The following CCDC68 variants were observed in gnomAD, a reference collection of about 807,000 sequenced individuals.
The protein encoded by CCDC68 is coiled-coil domain containing 68.
Under a neutral mutation model 47.1 loss-of-function variants are expected in CCDC68, and 45 were observed. The observed-to-expected ratio is 0.96, with a 90% CI of 0.75 to 1.23. The LOEUF (loss-of-function observed/expected upper bound fraction) is 1.23. CCDC68 is among the 50% of genes most tolerant of loss of function. CCDC68 has a pLI of 0.00. For missense variants in CCDC68, 353 were observed against 373.6 expected, an observed-to-expected ratio of 0.94 and a Z score of 0.45; for synonymous variants, 131 against 129.5, an observed-to-expected ratio of 1.01 and a Z score of -0.08.
At chr18:54,932,536 A>T (rs1475625966) in intron 7 of CCDC68, among the ~76,000 whole-genome samples, 3 of 152,040 alleles carry the variant, frequency 2.0e-5, no homozygotes, top group African/African-American at 7.2e-5. Flanking sequence ...TCCCCTCCAC[A>T]TCATCCACAC....
chr18:54,943,777 G>C (rs1271169241), intron 2 of CCDC68, among the ~76,000 whole-genome samples: 1 of 152,166 alleles, frequency 6.6e-6, no homozygotes, highest in Non-Finnish European at 1.5e-5. Context: ...ATAGAATAAA[G>C]CCAACAGGTA....
chr18:54,953,524 ACACAC>A lies in CCDC68; in HGVS notation c.-103+5807_-103+5811del, dbSNP rs1568166190. Among the ~76,000 whole-genome samples, 251 of 130,964 alleles carry A rather than the reference ACACAC, an allele frequency of 1.9e-3. 2 individuals are homozygous for A. Among genetic ancestry groups the A allele is most frequent in the African/African-American group, 7.7e-3 (244 of 31,816 alleles). 85.9% of individuals were successfully genotyped at this position (130,964 alleles called of 152,430 possible). On this transcript the variant is annotated intron_variant, in intron 1 of 11. Transcript: ENST00000591504. ...TATATATATACATACACACACACACACACACACACACACACATATATATATATAGA... is the reference window on the plus strand; with the variant it reads ...TATATATATACATACACACACACACAACACACACACATATATATATATAGA...
intron 9 of CCDC68, among the ~76,000 whole-genome samples, 177 bp from the exon 10 acceptor site, chr18:54,918,173 A>G (rs2043988789): frequency 6.6e-6 from 1 of 152,204 alleles, no homozygotes; most frequent in Non-Finnish European, 1.5e-5. Context: ...CCAAACTGAC[A>G]CCTGGGGCTG....
intron 1 of CCDC68, among the ~76,000 whole-genome samples, chr18:54,946,690 T>C (rs1333297735): frequency 6.6e-6 from 1 of 152,216 alleles, no homozygotes; most frequent in African/African-American, 2.4e-5. Flanking sequence ...AGGAATTTTG[T>C]TTCTTGATGA....
intron 8 of CCDC68, among the ~76,000 whole-genome samples, chr18:54,924,794 C>T (rs2044118623): frequency 6.6e-6 from 1 of 152,190 alleles, no homozygotes; most frequent in South Asian, 2.1e-4. Flanking sequence ...GAACTTCTCT[C>T]CCTCCACTCC....
In CCDC68 at chr18:54,933,114, G is replaced by C. The variant is rs372143730; in HGVS notation, c.600+1706C>G. ...TTTCTTTTTTTTGACACGGAGTCTC[G>C]CTATGTCACCAGGCTGGAGTGCTGT... On this transcript the variant is annotated intron_variant, in intron 7 of 11. Transcript: ENST00000591504. Among the ~76,000 whole-genome samples the C allele has an allele frequency of 4.6e-5, 7 of 151,956 alleles. No individual in the cohort carries two copies. The East Asian group carries it at 1.2e-3, about 25-fold the overall frequency.
intron 10 of CCDC68, among the ~76,000 whole-genome samples, chr18:54,910,222 C>T (rs189787874): frequency 2.3e-4 from 35 of 152,288 alleles, no homozygotes; most frequent in African/African-American, 7.7e-4. Flanking sequence ...TCAACAGAGA[C>T]GGTAGCTCCT....
At chr18:54,922,214 C>T (rs750960295) in intron 8 of CCDC68, among the ~76,000 whole-genome samples, 13 of 152,076 alleles carry the variant, frequency 8.5e-5, no homozygotes, top group Admixed American at 2.6e-4. Flanking sequence ...TCTTGAGGCA[C>T]GGGAGACTGA....
At chr18:54,923,701 T>C (rs1469709524) in intron 8 of CCDC68, among the ~76,000 whole-genome samples, 2 of 150,358 alleles carry the variant, frequency 1.3e-5, no homozygotes, top group Non-Finnish European at 1.5e-5. Flanking sequence ...TTTATCTTTC[T>C]GTTAAAGCAC....
intron 10 of CCDC68, among the ~76,000 whole-genome samples, chr18:54,910,099 C>A (rs982315614): frequency 4.6e-5 from 7 of 152,210 alleles, no homozygotes; most frequent in Admixed American, 4.6e-4. Context: ...TCAGAGGAAA[C>A]CTGCAGGGGG....
At chr18:54,928,717 A>G in intron 8 of CCDC68, 83 bp downstream of exon 8, 1 of 823,826 alleles carries the variant, frequency 1.2e-6, no homozygotes, top group Non-Finnish European at 2.1e-6. Context: ...GGGGGACAGA[A>G]GGTCTTCTGT....
chr18:54,939,295 A>C (rs2145569460), intron 4 of CCDC68, among the ~76,000 whole-genome samples: 1 of 152,172 alleles, frequency 6.6e-6, no homozygotes, highest in Admixed American at 6.5e-5. Context: ...AAAAAAAAAA[A>C]CTCTTGAAGA....
chr18:54,941,056 T>C lies in CCDC68; in HGVS notation c.145A>G (p.Thr49Ala). 2 of 1,612,848 alleles carry C rather than the reference T, an allele frequency of 1.2e-6. No homozygotes were observed. Among genetic ancestry groups the C allele is most frequent in the Non-Finnish European group, 1.7e-6 (2 of 1,179,090 alleles). The change falls in exon 4 of 12, where the codon ACC becomes GCC. Residue 49 changes from threonine (T) to alanine (A), a missense_variant. Transcript: ENST00000591504. ...KIRTTLQKIR[T>A]QMFKDEIRHD... ...CTTATTTCATCTTTAAACATCTGGG[T>C]CCTGATCTTTTGCAGAGTAGTTCGA...
In CCDC68 at chr18:54,941,001, G is replaced by T; in HGVS notation, c.200C>A (p.Ala67Glu). Residue 67 changes from alanine to glutamate, a missense_variant, in exon 4 of 12, where the codon GCA becomes GAA. Coordinates refer to ENST00000591504, the MANE Select transcript of CCDC68 (RefSeq NM_025214.3). ...RHDSTNHKLD[A>E]KHCGNLQQGS... ...TCTTCTGCAGGAAATTATTACCTTT[G>T]CATCTAGTTTGTGATTTGTACTGTC... 6.3e-7 allele frequency: 1 copy of T among 1,599,118 alleles called. No individual in the cohort carries two copies. The highest frequency in any genetic ancestry group is 8.6e-7 in the Non-Finnish European group (1 of 1,167,636).
chr18:54,957,350 G>A (rs2044729220), intron 1 of CCDC68, among the ~76,000 whole-genome samples: 1 of 152,196 alleles, frequency 6.6e-6, no homozygotes, highest in Non-Finnish European at 1.5e-5. Flanking sequence ...TTTAGTCACT[G>A]TCGAAATTGA....
At chr18:54,954,621 T>G (rs1274290542) in intron 1 of CCDC68, 1 of 152,212 alleles carries the variant, frequency 6.6e-6, no homozygotes, top group Non-Finnish European at 1.5e-5. Context: ...GCTTGGTGAA[T>G]GTCTCTGCCC....
chr18:54,902,568 A>C lies in CCDC68; in HGVS notation c.*1790T>G, dbSNP rs1913745808. 1 of 152,236 alleles carries C rather than the reference A, an allele frequency of 6.6e-6. No individual in the cohort carries two copies. 9.4% of individuals were successfully genotyped at this position (152,236 alleles called of 1,614,324 possible). On this transcript the variant is annotated 3_prime_UTR_variant, in exon 12 of 12. Coordinates refer to ENST00000591504, the MANE Select transcript of CCDC68 (RefSeq NM_025214.3). Reference sequence around the variant, plus strand: ...ATGATAAACAGATTTTTAGCAGGGAAGTTTGTCTGAACTGAGTTCTCACAA... The same window carrying C: ...ATGATAAACAGATTTTTAGCAGGGACGTTTGTCTGAACTGAGTTCTCACAA...
chr18:54,907,104 C>T (rs1914056067), intron 11 of CCDC68, among the ~76,000 whole-genome samples: 1 of 152,098 alleles, frequency 6.6e-6, no homozygotes, highest in Non-Finnish European at 1.5e-5. Context: ...TTGAATGATA[C>T]ATATAATTAG....
intron 8 of CCDC68, among the ~76,000 whole-genome samples, chr18:54,922,067 G>A (rs989554389): frequency 6.6e-6 from 1 of 152,138 alleles, no homozygotes; most frequent in African/African-American, 2.4e-5. Context: ...TTGTGCCCAT[G>A]TAGTTTGAAC....
Sources: gnomAD v4.1 joint callset for allele counts (sites outside exome capture counted in the v4.1 genomes callset) on GRCh38, gnomAD v4.1.1 for gene constraint, MANE v1.5 for transcripts, NCBI Gene and HGNC (gene_info 2026-07-23, HGNC 2026-07-21) for gene names.